Variants in LYRM4 observed in about 807,000 individuals in gnomAD.
The protein encoded by LYRM4 is LYR motif containing 4.
Under a neutral mutation model 11.7 loss-of-function variants are expected in LYRM4, and 9 were observed. That is an observed-to-expected ratio of 0.77 (90% confidence interval 0.46 to 1.34). LYRM4 has a LOEUF of 1.34. LYRM4 is among the 40% of genes most tolerant of loss of function. LYRM4 has a pLI of 0.00. For synonymous variants in LYRM4, 42 were observed against 40.4 expected, an observed-to-expected ratio of 1.04 and a Z score of -0.15; for missense variants, 133 against 112.5, an observed-to-expected ratio of 1.18 and a Z score of -0.82.
At chr6:5,159,699 A>G (rs1452139054) in intron 2 of LYRM4, among the ~76,000 whole-genome samples, 2 of 152,084 alleles carry the variant, frequency 1.3e-5, no homozygotes, top group Non-Finnish European at 2.9e-5. Context: ...TTTCCTTACA[A>G]TTCATACCTA....
intron 1 of LYRM4, among the ~76,000 whole-genome samples, chr6:5,248,564 T>C (rs1296049283): frequency 6.6e-6 from 1 of 152,252 alleles, no homozygotes; most frequent in African/African-American, 2.4e-5. Context: ...GTGCTAGTAG[T>C]TCCTTACAGC....
intron 2 of LYRM4, among the ~76,000 whole-genome samples, chr6:5,155,211 A>T (rs112824725): frequency 0.025 from 3,848 of 152,234 alleles, 103 homozygotes; most frequent in African/African-American, 0.067. Flanking sequence ...CCTCCTGAGT[A>T]GCTGGGATTA....
At chr6:5,066,124 T>G in the LYRM4 span, 2 of 530,900 alleles carry the variant, frequency 3.8e-6, no homozygotes, top group South Asian at 3.5e-5. Flanking sequence ...CTCCAATAAT[T>G]CCCTACACTT....
At chr6:5,218,113 C>T (rs1762381999) in intron 1 of LYRM4, 2 of 459,138 alleles carry the variant, frequency 4.4e-6, no homozygotes, top group African/African-American at 4.3e-5. Flanking sequence ...TGCTGCGTTG[C>T]CCAGGCTGGT....
the LYRM4 span, among the ~76,000 whole-genome samples, chr6:5,070,603 C>CGGT: frequency 0.012 from 1,772 of 152,094 alleles, 28 homozygotes; most frequent in African/African-American, 0.041. Context: ...AGGCTGGGTG[C>CGGT]GGTGGTTTAC....
the LYRM4 span, among the ~76,000 whole-genome samples, chr6:5,034,950 G>C: frequency 1.1e-4 from 16 of 151,694 alleles, no homozygotes; most frequent in Non-Finnish European, 1.8e-4. Flanking sequence ...AGGAGGCTGT[G>C]GGAGAATTGT....
At chr6:5,132,367 G>A (rs1367627356) in intron 2 of LYRM4, among the ~76,000 whole-genome samples, 1 of 152,106 alleles carries the variant, frequency 6.6e-6, no homozygotes, top group Non-Finnish European at 1.5e-5. Context: ...TTATGGAGCT[G>A]AGATACTCCT....
intron 2 of LYRM4, among the ~76,000 whole-genome samples, chr6:5,196,739 C>T (rs1303709314): frequency 6.6e-6 from 1 of 152,184 alleles, no homozygotes; most frequent in African/African-American, 2.4e-5. Context: ...GGTTCTTTAA[C>T]ATAACTGTAT....
chr6:5,088,812 A>G, the LYRM4 span: 8 of 152,350 alleles, frequency 5.3e-5, no homozygotes, highest in Admixed American at 4.6e-4. Context: ...GAAAATGTGA[A>G]AAGTGCGGTT....
intron 2 of LYRM4, chr6:5,132,639 G>A (rs1210379908): frequency 1.3e-5 from 2 of 152,192 alleles, no homozygotes; most frequent in South Asian, 4.1e-4. Flanking sequence ...AGAAATGTGA[G>A]TTCAGGATAT....
chr6:5,089,855 A>G, the LYRM4 span, among the ~76,000 whole-genome samples: 48 of 152,358 alleles, frequency 3.2e-4, 1 homozygote, highest in African/African-American at 1.1e-3. Context: ...TTTGTTTTAT[A>G]AAAGTGCCAA....
chr6:5,096,969 A>T, the LYRM4 span, among the ~76,000 whole-genome samples: 1 of 152,238 alleles, frequency 6.6e-6, no homozygotes, highest in Non-Finnish European at 1.5e-5. Flanking sequence ...TTACCTGGGC[A>T]GAAAGTATCC....
the LYRM4 span, chr6:5,086,052 C>G: frequency 6.8e-7 from 1 of 1,478,726 alleles, no homozygotes; most frequent in East Asian, 2.8e-5. Context: ...TGGCCGCGCC[C>G]CTTTCAGCGC....
Position 5,260,929 on chromosome 6 carries a change from GGGGCGGGCGCAGGCA to G in LYRM4, c.-211_-197del. On this transcript the variant is annotated 5_prime_UTR_variant, in exon 1 of 3. Transcript: ENST00000330636. ...GCGCCAGGCGTCCCGCGCCGCTTCGGGGGCGGGCGCAGGCAGGGCTCGGGGCAGCTAAGGGGGCGG... is the reference window on the plus strand; with the variant it reads ...GCGCCAGGCGTCCCGCGCCGCTTCGGGGGCTCGGGGCAGCTAAGGGGGCGG... 1 of 1,360,188 alleles carries G rather than the reference GGGGCGGGCGCAGGCA, an allele frequency of 7.4e-7. No individual in the cohort carries two copies. The highest frequency in any genetic ancestry group is 1.7e-5 in the South Asian group (1 of 60,358). The allele number at this position is 1,360,188 out of a possible 1,614,324, so 84.3% of individuals were successfully genotyped here. A position where few individuals can be genotyped will look rare whatever the true frequency, so the allele number is the denominator to read the frequency against.
At chr6:5,127,792 T>C (rs957925510) in intron 2 of LYRM4, among the ~76,000 whole-genome samples, 2 of 152,278 alleles carry the variant, frequency 1.3e-5, no homozygotes, top group Admixed American at 1.3e-4. Context: ...ATTTTTCTAA[T>C]AGACAATGTG....
At chr6:5,227,125 T>C (rs542848956) in intron 1 of LYRM4, among the ~76,000 whole-genome samples, 73 of 152,256 alleles carry the variant, frequency 4.8e-4, no homozygotes, top group Non-Finnish European at 8.8e-4. Context: ...TGGGACAAGG[T>C]AGACATGTCC....
chr6:5,138,877 A>G (rs778094454), intron 2 of LYRM4: 180 of 606,048 alleles, frequency 3.0e-4, no homozygotes, highest in Non-Finnish European at 4.7e-4. Context: ...TTAATCCTTT[A>G]GACATAGACA....
the LYRM4 span, among the ~76,000 whole-genome samples, chr6:5,049,530 C>A: frequency 1.3e-5 from 2 of 152,164 alleles, no homozygotes; most frequent in Non-Finnish European, 2.9e-5. Context: ...AGTTAAGGAA[C>A]CCTTAATAGG....
intron 2 of LYRM4, chr6:5,138,571 G>A: frequency 1.3e-5 from 3 of 232,994 alleles, no homozygotes; most frequent in Admixed American, 9.9e-5. Flanking sequence ...TAAGAATAAT[G>A]ACTGTTTTTT....
Sources: allele counts gnomAD v4.1 joint callset (sites outside exome capture counted in the v4.1 genomes callset), GRCh38; gene constraint gnomAD v4.1.1; transcripts MANE v1.5; gene names NCBI Gene and HGNC (gene_info 2026-07-23, HGNC 2026-07-21).